The following SH3RF1 variants were observed in gnomAD, a reference collection of about 807,000 sequenced individuals.
SH3RF1 encodes SH3 domain containing ring finger 1, also known as E3 ubiquitin-protein ligase SH3RF1.
In SH3RF1, 32 loss-of-function variants were observed where a neutral mutation model predicts 74.0. The ratio of observed to expected loss-of-function variants is 0.43; its 90% CI spans 0.33 to 0.58. The LOEUF (loss-of-function observed/expected upper bound fraction) is 0.58. Ranked by LOEUF, SH3RF1 falls within the 20% of genes least tolerant of loss-of-function variation. The probability of loss-of-function intolerance (pLI) is 0.05; values close to 1 mark genes in which losing one functional copy is unlikely to be tolerated. For missense variants in SH3RF1, 954 were observed against 1,130.9 expected (o/e 0.84, Z 2.24); for synonymous variants, 396 against 439.6 (o/e 0.90, Z 1.24).
At chr4:169,260,847 T>C (rs1363218085) in intron 2 of SH3RF1, among the ~76,000 whole-genome samples, 2 of 152,218 alleles carry the variant, frequency 1.3e-5, no homozygotes, top group African/African-American at 4.8e-5. Flanking sequence ...GTATTTTATG[T>C]AGCTCTACAG....
chr4:169,229,311 G>A (rs775382087), intron 2 of SH3RF1, among the ~76,000 whole-genome samples: 1 of 151,940 alleles, frequency 6.6e-6, no homozygotes, highest in East Asian at 1.9e-4. Flanking sequence ...ACTTTTGTAG[G>A]TCACCTTCTT....
intron 2 of SH3RF1, among the ~76,000 whole-genome samples, chr4:169,164,236 C>T (rs1175910485): frequency 6.6e-6 from 1 of 152,116 alleles, no homozygotes; most frequent in Non-Finnish European, 1.5e-5. Context: ...GAGTACCTAC[C>T]TCAGTGTCTG....
At chr4:169,144,692 T>C (rs1273117511) in intron 4 of SH3RF1, among the ~76,000 whole-genome samples, 1 of 152,140 alleles carries the variant, frequency 6.6e-6, no homozygotes, top group Non-Finnish European at 1.5e-5. Flanking sequence ...AGGCACACTA[T>C]AGTGAACTAT....
At chr4:169,184,427 A>C (rs2126980930) in intron 2 of SH3RF1, among the ~76,000 whole-genome samples, 1 of 152,330 alleles carries the variant, frequency 6.6e-6, no homozygotes, top group Middle Eastern at 3.4e-3. Context: ...ATGGGCTGTG[A>C]AGTCAGTCAG....
chr4:169,244,169 C>T (rs536480422), intron 2 of SH3RF1, among the ~76,000 whole-genome samples: 1 of 152,308 alleles, frequency 6.6e-6, no homozygotes, highest in African/African-American at 2.4e-5. Flanking sequence ...ACATTTATTT[C>T]AATCTGTCTT....
intron 11 of SH3RF1, among the ~76,000 whole-genome samples, chr4:169,103,837 G>C (rs1420882911): frequency 1.3e-5 from 2 of 152,000 alleles, no homozygotes; most frequent in East Asian, 3.9e-4. Flanking sequence ...TATAAACTTG[G>C]GTAGAAATCT....
chr4:169,106,845 AC>A lies in SH3RF1; in HGVS notation c.2498+1del. The A allele has an allele frequency of 6.5e-7, 1 of 1,545,546 alleles. No individual in the cohort carries two copies. The highest frequency in any genetic ancestry group is 8.7e-7 in the Non-Finnish European group (1 of 1,144,430). On this transcript the variant is annotated splice_donor_variant, in intron 11 of 11. Transcript: ENST00000284637. LOFTEE classifies it high-confidence loss of function. Reference sequence around the variant, plus strand: ...TTTTTCCTGGAACGAAGTTGAACTTACCTTTCACAAACGACAGGTCTAGACT... The same window carrying A: ...TTTTTCCTGGAACGAAGTTGAACTTACTTTCACAAACGACAGGTCTAGACT...
chr4:169,166,923 G>A (rs974283144), intron 2 of SH3RF1: 1 of 262,392 alleles, frequency 3.8e-6, no homozygotes, highest in Non-Finnish European at 7.3e-6. Flanking sequence ...TCAAGAAGAG[G>A]CAGCTGCAGA....
chr4:169,133,085 T>A (rs1733644709), intron 5 of SH3RF1, among the ~76,000 whole-genome samples: 2 of 152,158 alleles, frequency 1.3e-5, no homozygotes. Context: ...GACAGTGACA[T>A]CTCTAATTGC....
chr4:169,189,643 G>C (rs1421632678), intron 2 of SH3RF1, among the ~76,000 whole-genome samples: 2 of 152,140 alleles, frequency 1.3e-5, no homozygotes, highest in African/African-American at 4.8e-5. Flanking sequence ...GAGAAAGTTG[G>C]GTGCATAGGA....
chr4:169,260,253 CAG>C (rs1731256025), intron 2 of SH3RF1, among the ~76,000 whole-genome samples: 1 of 152,098 alleles, frequency 6.6e-6, no homozygotes, highest in Non-Finnish European at 1.5e-5. Context: ...TTTCTGAGAC[CAG>C]AGACTTAATT....
chr4:169,266,612 G>A (rs1731360350), intron 2 of SH3RF1, among the ~76,000 whole-genome samples: 1 of 127,616 alleles, frequency 7.8e-6, no homozygotes, highest in African/African-American at 2.9e-5. Context: ...TTTTAAAAAA[G>A]GGGGGTGGGG....
chr4:169,121,144 T>C (rs1194509168), intron 7 of SH3RF1, among the ~76,000 whole-genome samples, 155 bp from the exon 8 acceptor site: 10 of 152,206 alleles, frequency 6.6e-5, no homozygotes, highest in Non-Finnish European at 1.5e-5. Flanking sequence ...CAATTCTCCA[T>C]TGAAAGAGGT....
At chr4:169,258,038 G>A (rs2110754908) in intron 2 of SH3RF1, among the ~76,000 whole-genome samples, 1 of 152,312 alleles carries the variant, frequency 6.6e-6, no homozygotes, top group Admixed American at 6.5e-5. Context: ...TGTCCTAAAT[G>A]TTTGATATCA....
intron 2 of SH3RF1, among the ~76,000 whole-genome samples, chr4:169,264,150 A>C (rs978011198): frequency 6.6e-6 from 1 of 152,200 alleles, no homozygotes; most frequent in Non-Finnish European, 1.5e-5. Context: ...TGGCTTAAAC[A>C]ACAAAAATGT....
chr4:169,133,997 A>G (rs2126953218), intron 5 of SH3RF1, among the ~76,000 whole-genome samples: 1 of 152,276 alleles, frequency 6.6e-6, no homozygotes, highest in Non-Finnish European at 1.5e-5. Context: ...TGGTTGGAAG[A>G]GTTTTTGCAC....
At chr4:169,122,601 A>C (rs1460325086) in intron 6 of SH3RF1, among the ~76,000 whole-genome samples, 4 of 152,250 alleles carry the variant, frequency 2.6e-5, no homozygotes, top group Non-Finnish European at 5.9e-5. Context: ...ACAAGGATCC[A>C]AATGCCTTTC....
chr4:169,096,450 T>C lies in SH3RF1; in HGVS notation c.*69A>G, dbSNP rs991665444. The C allele has an allele frequency of 1.7e-5, 26 of 1,537,960 alleles. No individual in the cohort carries two copies. Among genetic ancestry groups the C allele is most frequent in the African/African-American group, 1.4e-4 (10 of 72,932 alleles). On this transcript the variant is annotated 3_prime_UTR_variant, in exon 12 of 12. Transcript: ENST00000284637. ...CATCTGGAAGTCCACAAATGTGCTC[T>C]TTCTGTTAAACTGCTTTGTGCTACT...
At chr4:169,149,614 G>A (rs1256154584) in intron 4 of SH3RF1, among the ~76,000 whole-genome samples, 1 of 152,112 alleles carries the variant, frequency 6.6e-6, no homozygotes, top group Non-Finnish European at 1.5e-5. Context: ...TTTACTTCAG[G>A]TTTGAAAGGG....
Sources: allele counts gnomAD v4.1 joint callset (sites outside exome capture counted in the v4.1 genomes callset), GRCh38; gene constraint gnomAD v4.1.1; transcripts MANE v1.5; gene names NCBI Gene and HGNC (gene_info 2026-07-23, HGNC 2026-07-21).